The following WDR70 variants were observed in gnomAD, a reference collection of about 807,000 sequenced individuals.
WDR70 encodes the protein WD repeat domain 70.
Under a neutral mutation model 88.6 loss-of-function variants are expected in WDR70, and 53 were observed. The ratio of observed to expected loss-of-function variants is 0.60; its 90% CI spans 0.48 to 0.75. The LOEUF is 0.75. WDR70 is among the 30% of genes least tolerant of loss of function. The pLI, the probability that WDR70 is intolerant of heterozygous loss-of-function variation, is 0.00. For missense variants in WDR70, 610 were observed against 823.2 expected (o/e 0.74, Z 3.17); for synonymous variants, 280 against 270.0 (o/e 1.04, Z -0.36).
At chr5:37,679,961 A>G (rs6884569) in intron 10 of WDR70, among the ~76,000 whole-genome samples, 63,611 of 152,182 alleles carry the variant, frequency 0.42, 14,774 homozygotes, top group Admixed American at 0.54. Flanking sequence ...CCCCAGCCTC[A>G]CTGCCACCTT....
intron 13 of WDR70, among the ~76,000 whole-genome samples, chr5:37,712,005 T>C (rs899781154): frequency 6.7e-6 from 1 of 148,842 alleles, no homozygotes; most frequent in Admixed American, 6.7e-5. Flanking sequence ...TTTTTTTTTT[T>C]TTCTTGAGAC....
chr5:37,659,573 T>C (rs1745646500), intron 10 of WDR70, among the ~76,000 whole-genome samples: 1 of 152,230 alleles, frequency 6.6e-6, no homozygotes, highest in African/African-American at 2.4e-5. Flanking sequence ...GTGTCTTAGC[T>C]CAGGCTGCCA....
At chr5:37,393,585 TA>T (rs1361448319) in intron 4 of WDR70, among the ~76,000 whole-genome samples, 2 of 151,988 alleles carry the variant, frequency 1.3e-5, no homozygotes, top group African/African-American at 2.4e-5. Context: ...TTCAAGAAAT[TA>T]AAAAAAAATT....
chr5:37,697,846 C>T (rs916244518), intron 11 of WDR70, 92 bp downstream of exon 11: 2 of 1,088,440 alleles, frequency 1.8e-6, no homozygotes, highest in African/African-American at 3.1e-5. Flanking sequence ...CTTAGTAAAG[C>T]TTGCTTTGAT....
At chr5:37,652,137 A>G (rs1745425596) in intron 10 of WDR70, among the ~76,000 whole-genome samples, 1 of 152,224 alleles carries the variant, frequency 6.6e-6, no homozygotes, top group Non-Finnish European at 1.5e-5. Context: ...GAAGGAGTCC[A>G]GTTTCAGTTT....
intron 10 of WDR70, among the ~76,000 whole-genome samples, chr5:37,694,642 A>T (rs752069546): frequency 2.6e-5 from 4 of 152,042 alleles, no homozygotes; most frequent in Non-Finnish European, 5.9e-5. Context: ...TGGGAATCGA[A>T]CAATGAGAAC....
intron 9 of WDR70, among the ~76,000 whole-genome samples, chr5:37,592,982 C>T (rs1417276357): frequency 5.3e-5 from 8 of 152,156 alleles, no homozygotes; most frequent in African/African-American, 1.7e-4. Context: ...TATAGTGAGA[C>T]CTTATCTCTA....
chr5:37,745,967 T>TA (rs1748626405), intron 17 of WDR70, among the ~76,000 whole-genome samples: 1 of 152,180 alleles, frequency 6.6e-6, no homozygotes, highest in Non-Finnish European at 1.5e-5. Context: ...ATCAGCAGAA[T>TA]ATACATTCTT....
chr5:37,392,286 C>T (rs986374565), intron 4 of WDR70, among the ~76,000 whole-genome samples, 166 bp downstream of exon 4: 1 of 151,324 alleles, frequency 6.6e-6, no homozygotes, highest in Non-Finnish European at 1.5e-5. Flanking sequence ...TGGGTTCAGA[C>T]GATTCTCCTG....
At chr5:37,700,394 C>G (rs1395633552) in intron 11 of WDR70, 1 of 152,264 alleles carries the variant, frequency 6.6e-6, no homozygotes, top group Non-Finnish European at 1.5e-5. Context: ...CTAATCTTCT[C>G]TGTATCGTTC....
At chr5:37,688,123 A>G (rs1170335409) in intron 10 of WDR70, 1 of 433,226 alleles carries the variant, frequency 2.3e-6, no homozygotes, top group Non-Finnish European at 4.1e-6. Flanking sequence ...TAAAGTATAT[A>G]TTGATCAGTT....
chr5:37,514,715 A>T (rs771319670), intron 8 of WDR70, among the ~76,000 whole-genome samples: 25 of 152,064 alleles, frequency 1.6e-4, no homozygotes, highest in Non-Finnish European at 3.2e-4. Context: ...TGTAGAGCAC[A>T]TGAGGTAAAA....
At chr5:37,691,281 C>T (rs1359034360) in intron 10 of WDR70, among the ~76,000 whole-genome samples, 2 of 152,062 alleles carry the variant, frequency 1.3e-5, no homozygotes, top group Non-Finnish European at 2.9e-5. Context: ...CTTTAACACC[C>T]CACTGTCAAT....
chr5:37,710,431 G>A (rs936666073), intron 13 of WDR70, among the ~76,000 whole-genome samples: 2 of 151,988 alleles, frequency 1.3e-5, no homozygotes, highest in Non-Finnish European at 2.9e-5. Context: ...ATTGTGTTGT[G>A]GTTTCAAGAA....
At chr5:37,642,348 C>A (rs1253981816) in intron 10 of WDR70, among the ~76,000 whole-genome samples, 2 of 152,002 alleles carry the variant, frequency 1.3e-5, no homozygotes, top group Non-Finnish European at 2.9e-5. Context: ...AATTTAAATT[C>A]TTTAAGTTTG....
chr5:37,708,769 A>G (rs1747429553), intron 13 of WDR70, among the ~76,000 whole-genome samples: 1 of 152,192 alleles, frequency 6.6e-6, no homozygotes, highest in Non-Finnish European at 1.5e-5. Context: ...AAATTAATGG[A>G]TATTCCACAA....
intron 7 of WDR70, among the ~76,000 whole-genome samples, chr5:37,445,379 G>A (rs1022521114): frequency 1.3e-5 from 2 of 150,324 alleles, no homozygotes; most frequent in African/African-American, 4.9e-5. Context: ...TCCTGAATCG[G>A]TTATGTCACC....
chr5:37,509,734 CT>C (rs974064112), intron 8 of WDR70, among the ~76,000 whole-genome samples: 1 of 148,986 alleles, frequency 6.7e-6, no homozygotes, highest in Admixed American at 6.7e-5. Flanking sequence ...CCTATAAATT[CT>C]TTTTTTTTCT....
chr5:37,556,539 A>C (rs1170893218), intron 9 of WDR70, among the ~76,000 whole-genome samples: 1 of 152,242 alleles, frequency 6.6e-6, no homozygotes, highest in Non-Finnish European at 1.5e-5. Flanking sequence ...AAGCAAACTT[A>C]CTAATGATGT....
Sources: allele counts gnomAD v4.1 joint callset (sites outside exome capture counted in the v4.1 genomes callset), GRCh38; gene constraint gnomAD v4.1.1; transcripts MANE v1.5; gene names NCBI Gene and HGNC (gene_info 2026-07-23, HGNC 2026-07-21).